The following RASA3 variants were observed in gnomAD, a reference collection of about 807,000 sequenced individuals.
RASA3 encodes RAS p21 protein activator 3.
A neutral mutation model predicts 110.0 loss-of-function variants in RASA3; 73 were observed. The ratio of observed to expected loss-of-function variants is 0.66; its 90% CI spans 0.55 to 0.81. The LOEUF (loss-of-function observed/expected upper bound fraction) is 0.81. Ranked by LOEUF, RASA3 falls within the 30% of genes least tolerant of loss-of-function variation. The probability of loss-of-function intolerance (pLI) is 0.00; values close to 1 mark genes in which losing one functional copy is unlikely to be tolerated. For missense variants in RASA3, 976 were observed against 1,113.2 expected (o/e 0.88, Z 1.75); for synonymous variants, 500 against 451.4 (o/e 1.11, Z -1.37).
At chr13:114,130,812 G>C (rs2080508090) in intron 1 of RASA3, among the ~76,000 whole-genome samples, 1 of 152,164 alleles carries the variant, frequency 6.6e-6, no homozygotes, top group Non-Finnish European at 1.5e-5. Flanking sequence ...CTGCCCCACA[G>C]GGGCACCCAC....
chr13:113,989,769 C>T (rs9525313), intron 22 of RASA3, among the ~76,000 whole-genome samples: 8,533 of 152,314 alleles, frequency 0.056, 453 homozygotes, highest in East Asian at 0.2. Flanking sequence ...CTGCCTGCCC[C>T]GCCATCTGTC....
At chr13:114,037,051 C>T (rs572463191) in intron 4 of RASA3, among the ~76,000 whole-genome samples, 1 of 152,190 alleles carries the variant, frequency 6.6e-6, no homozygotes, top group Non-Finnish European at 1.5e-5. Context: ...TGACACCACT[C>T]GGTTCAGGAT....
rs1594386038 is a variant in RASA3, at chr13:114,048,820, T to G, written c.277+3232A>C. On this transcript the variant is annotated intron_variant, in intron 3 of 23. Coordinates refer to ENST00000334062, the MANE Select transcript of RASA3 (RefSeq NM_007368.4). The surrounding 1 kb of genome is among the most constrained non-coding windows in gnomAD (Gnocchi z 4.3). ...CCCGGGACCCGCCGACACTGGACAC[T>G]TCTCCTGCTCCTGCTGTGGCGGGAG... Among the ~76,000 whole-genome samples, 1 of 152,252 alleles carries G rather than the reference T, an allele frequency of 6.6e-6. No individual in the cohort carries two copies. The highest frequency in any genetic ancestry group is 2.1e-4 in the South Asian group (1 of 4,822).
chr13:114,017,394 CG>C (rs2053818373), intron 11 of RASA3, 43 bp from the exon 12 acceptor site: 1 of 1,525,236 alleles, frequency 6.6e-7, no homozygotes, highest in African/African-American at 1.4e-5. Flanking sequence ...CCTGGGGACG[CG>C]GAAGTGCAGA....
chr13:114,032,165 C>T (rs946754937), intron 4 of RASA3, among the ~76,000 whole-genome samples: 2 of 152,154 alleles, frequency 1.3e-5, no homozygotes, highest in African/African-American at 4.8e-5. Context: ...GAGACCCTCA[C>T]CAAACAGATC....
chr13:114,014,040 ATC>A lies in RASA3; in HGVS notation c.1406-794_1406-793del, dbSNP rs1249677000. 1.1e-4 allele frequency among the ~76,000 whole-genome samples: 5 copies of A among 43,888 alleles called. No homozygotes were observed. Among genetic ancestry groups the A allele is most frequent in the African/African-American group, 2.2e-4 (3 of 13,426 alleles). The allele number at this position is 43,888 out of a possible 152,430, so 28.8% of individuals were successfully genotyped here. ...TCTCCATCTCTCTCTCTCCGTCTCT[ATC>A]TCTCTCTCCGTCTGTCTCTGCCTCT... On this transcript the variant is annotated intron_variant, in intron 14 of 23. Coordinates refer to ENST00000334062, the MANE Select transcript of RASA3 (RefSeq NM_007368.4). The surrounding 1 kb of genome is among the most constrained non-coding windows in gnomAD (Gnocchi z 4.5).
rs140472473 is a variant in RASA3 at position 113,992,125 on chromosome 13, G to A, written c.2245+360C>T. ...CTACACATATGCACACATCTCATAC[G>A]TGTGTCCGCACACATGCAAGCACAC... On this transcript the variant is annotated intron_variant, in intron 22 of 23. Coordinates refer to ENST00000334062, the MANE Select transcript of RASA3 (RefSeq NM_007368.4). Among the ~76,000 whole-genome samples the A allele has an allele frequency of 3.9e-3, 590 of 152,142 alleles. 3 individuals carry two copies. The highest frequency in any genetic ancestry group is 0.013 in the African/African-American group (559 of 41,498).
intron 18 of RASA3, among the ~76,000 whole-genome samples, chr13:114,001,432 C>T (rs1328893728): frequency 7.2e-6 from 1 of 138,032 alleles, no homozygotes; most frequent in Admixed American, 7.1e-5. Flanking sequence ...GACCTACGGC[C>T]GCGGGCTCGG....
intron 2 of RASA3, among the ~76,000 whole-genome samples, chr13:114,060,793 G>A (rs1046142760): frequency 6.6e-6 from 1 of 152,230 alleles, no homozygotes; most frequent in African/African-American, 2.4e-5. Context: ...CCAGTGGCTT[G>A]AAAGGGAGGC....
At chr13:114,043,136 CAG>C (rs10596772) in intron 3 of RASA3, among the ~76,000 whole-genome samples, 32,305 of 152,110 alleles carry the variant, frequency 0.21, 3,449 homozygotes, top group South Asian at 0.28. Flanking sequence ...TCTGCAAACT[CAG>C]AGGGTCTGAG....
At chr13:114,030,454 G>GGAGGCAAGA (rs1566501682) in intron 4 of RASA3, among the ~76,000 whole-genome samples, 2 of 112,524 alleles carry the variant, frequency 1.8e-5, no homozygotes, top group East Asian at 3.3e-4. Context: ...AGAGGGCAAG[G>GGAGGCAAGA]CTCACACAGA....
chr13:114,037,375 A>G (rs2054298156), intron 4 of RASA3, among the ~76,000 whole-genome samples: 2 of 152,160 alleles, frequency 1.3e-5, no homozygotes, highest in South Asian at 4.1e-4. Flanking sequence ...AGCGACCCGG[A>G]GGATGTCACG....
intron 17 of RASA3, among the ~76,000 whole-genome samples, chr13:114,007,853 G>T (rs1330539092): frequency 6.6e-6 from 1 of 152,254 alleles, no homozygotes; most frequent in East Asian, 1.9e-4. Context: ...GGATCAACCT[G>T]CATCTCCAGA....
At chr13:114,032,089 A>G (rs2054180503) in intron 4 of RASA3, among the ~76,000 whole-genome samples, 1 of 152,236 alleles carries the variant, frequency 6.6e-6, no homozygotes, top group South Asian at 2.1e-4. Flanking sequence ...GTCAGGAGAT[A>G]TTTATTCCCT....
intron 17 of RASA3, among the ~76,000 whole-genome samples, chr13:114,009,016 G>A (rs189003420): frequency 6.0e-5 from 9 of 149,120 alleles, no homozygotes; most frequent in South Asian, 2.1e-4. Flanking sequence ...TGTTCCCCAC[G>A]CACCGCGTTC....
chr13:114,018,990 C>T (rs1410624663), intron 9 of RASA3, 71 bp from the exon 10 acceptor site: 5 of 1,578,354 alleles, frequency 3.2e-6, no homozygotes, highest in Admixed American at 3.4e-5. Flanking sequence ...CAGGGAAGCC[C>T]AGCTGCCTGC....
chr13:114,061,885 C>T (rs1445688783), intron 2 of RASA3, among the ~76,000 whole-genome samples: 1 of 152,116 alleles, frequency 6.6e-6, no homozygotes, highest in East Asian at 1.9e-4. Context: ...CCATCTCAGA[C>T]TCAACAGGGG....
At chr13:114,045,139 T>C (rs1013198102) in intron 3 of RASA3, among the ~76,000 whole-genome samples, 2 of 152,204 alleles carry the variant, frequency 1.3e-5, no homozygotes, top group African/African-American at 4.8e-5. Context: ...CCGTGGACAT[T>C]TGAAGCATGC....
At chr13:114,055,624 G>A (rs751534629) in intron 2 of RASA3, among the ~76,000 whole-genome samples, 34 of 152,204 alleles carry the variant, frequency 2.2e-4, no homozygotes, top group Non-Finnish European at 4.1e-4. Context: ...ACGACAAAAC[G>A]GCCTCTTCTG....
Sources: gnomAD v4.1 joint callset for allele counts (sites outside exome capture counted in the v4.1 genomes callset) on GRCh38, gnomAD v4.1.1 for gene constraint, Gnocchi (gnomAD v3.1) non-coding constraint, MANE v1.5 for transcripts, NCBI Gene and HGNC (gene_info 2026-07-23, HGNC 2026-07-21) for gene names.